The following PGM5 variants were observed in gnomAD, a reference collection of about 807,000 sequenced individuals.
PGM5 encodes phosphoglucomutase 5.
A neutral mutation model predicts 59.2 loss-of-function variants in PGM5; 23 were observed. That is an observed-to-expected ratio of 0.39 (90% confidence interval 0.28 to 0.55). The LOEUF (loss-of-function observed/expected upper bound fraction) is 0.55. Among genes scored for constraint, PGM5 ranks in the 20% least tolerant of loss-of-function variants. The pLI is 0.66. For synonymous variants in PGM5, 214 were observed against 286.0 expected (o/e 0.75, Z 2.54); for missense variants, 574 against 748.3 (o/e 0.77, Z 2.72).
chr9:68,379,421 G>A (rs549580059), intron 2 of PGM5, among the ~76,000 whole-genome samples: 131 of 152,154 alleles, frequency 8.6e-4, no homozygotes, highest in African/African-American at 2.9e-3. Flanking sequence ...CGTTTTACAC[G>A]TTATCCAAAC....
chr9:68,525,405 C>T (rs143840889), intron 10 of PGM5, among the ~76,000 whole-genome samples: 276 of 152,236 alleles, frequency 1.8e-3, no homozygotes, highest in African/African-American at 6.0e-3. Context: ...TCATGCACGG[C>T]GTAGTGATAT....
intron 6 of PGM5, among the ~76,000 whole-genome samples, chr9:68,408,893 C>T (rs1162765823): frequency 1.4e-4 from 22 of 151,976 alleles, no homozygotes; most frequent in East Asian, 3.9e-4. Flanking sequence ...TGTAGACATG[C>T]GGCATTATTT....
chr9:68,396,368 C>T (rs1380342829), intron 6 of PGM5: 1 of 152,180 alleles, frequency 6.6e-6, no homozygotes, highest in East Asian at 1.9e-4. Context: ...CCCTGATAAA[C>T]CAGTTGAGAA....
chr9:68,370,497 T>C (rs1187461142), intron 1 of PGM5, among the ~76,000 whole-genome samples: 1 of 152,172 alleles, frequency 6.6e-6, no homozygotes, highest in Non-Finnish European at 1.5e-5. Context: ...TAATTAGAAA[T>C]GGAACTCATA....
At chr9:68,522,548 T>A (rs1183197174) in intron 10 of PGM5, among the ~76,000 whole-genome samples, 1 of 152,180 alleles carries the variant, frequency 6.6e-6, no homozygotes, top group African/African-American at 2.4e-5. Flanking sequence ...GATGTTACAT[T>A]TCATATTTTG....
chr9:68,392,934 C>T (rs577258080), intron 6 of PGM5, among the ~76,000 whole-genome samples: 1 of 152,224 alleles, frequency 6.6e-6, no homozygotes, highest in South Asian at 2.1e-4. Context: ...CAAATGCTAA[C>T]TTATAGCCTT....
At chr9:68,361,364 T>C (rs1333859640) in intron 1 of PGM5, among the ~76,000 whole-genome samples, 8 of 152,256 alleles carry the variant, frequency 5.3e-5, no homozygotes, top group Admixed American at 5.2e-4. Flanking sequence ...TATTTCCCCT[T>C]CTGGAATTTT....
In PGM5 at chr9:68,499,209, G is replaced by A; in HGVS notation, c.1480-18G>A. ...ATTCATTTGCTCACTGCTCCATTCT[G>A]GATGTTCTTGGTCTCAGGGCCTAAG... is the stretch of plus-strand genomic sequence containing the variant. On this transcript the variant is annotated intron_variant, in intron 9 of 10. Coordinates refer to ENST00000396396, the MANE Select transcript of PGM5 (RefSeq NM_021965.4). 6.2e-7 allele frequency: 1 copy of A among 1,613,714 alleles called. No individual in the cohort carries two copies. Among genetic ancestry groups the A allele is most frequent in the Non-Finnish European group, 8.5e-7 (1 of 1,179,790 alleles).
chr9:68,407,739 G>T (rs62553003), intron 6 of PGM5, among the ~76,000 whole-genome samples: 33,335 of 152,128 alleles, frequency 0.22, 4,106 homozygotes, highest in South Asian at 0.36. Flanking sequence ...TGTGATTTGT[G>T]TGCATATTGT....
chr9:68,447,800 G>A (rs782738406), intron 6 of PGM5, among the ~76,000 whole-genome samples: 8 of 152,126 alleles, frequency 5.3e-5, no homozygotes, highest in Non-Finnish European at 1.2e-4. Context: ...CAGAGAATGG[G>A]TTCTGGAATT....
chr9:68,456,298 CT>C (rs1200798463), intron 6 of PGM5, among the ~76,000 whole-genome samples: 16 of 137,928 alleles, frequency 1.2e-4, no homozygotes, highest in African/African-American at 3.8e-4. Context: ...CTTTTTTTTT[CT>C]TTTTTTTTGG....
intron 7 of PGM5, among the ~76,000 whole-genome samples, chr9:68,469,150 T>C (rs964562224): frequency 6.6e-6 from 1 of 152,204 alleles, no homozygotes; most frequent in African/African-American, 2.4e-5. Context: ...ACTCCTGGCC[T>C]CAAGTGATCC....
At chr9:68,408,499 G>T (rs532128651) in intron 6 of PGM5, among the ~76,000 whole-genome samples, 1 of 152,102 alleles carries the variant, frequency 6.6e-6, no homozygotes, top group East Asian at 1.9e-4. Context: ...AGTAGGTTGC[G>T]AAAATTTTCT....
intron 2 of PGM5, among the ~76,000 whole-genome samples, chr9:68,381,102 A>T (rs1347042885): frequency 8.5e-5 from 13 of 152,078 alleles, no homozygotes; most frequent in African/African-American, 2.9e-4. Context: ...CATCACCTTG[A>T]TACCTAAAGC....
At chr9:68,391,222 AACAG>A (rs1328637894) in intron 4 of PGM5, among the ~76,000 whole-genome samples, 1 of 151,514 alleles carries the variant, frequency 6.6e-6, no homozygotes, top group African/African-American at 2.4e-5. Context: ...CATGAAAAGC[AACAG>A]ACAATGAATC....
In PGM5 at chr9:68,479,795, G is replaced by A. The variant is rs1284485797; in HGVS notation, c.1295+242G>A. The stretch of plus-strand genomic sequence containing the variant: ...TAAAAATACAAAAAATTAGCTGGGC[G>A]TAGTGGCGGGCGCCTGTAGTCCCAG... On this transcript the variant is annotated intron_variant, in intron 8 of 10. Transcript: ENST00000396396. Among the ~76,000 whole-genome samples, 6 of 151,488 alleles carry A rather than the reference G, an allele frequency of 4.0e-5. No homozygotes were observed. The South Asian group carries it at 1.0e-3, about 26-fold the overall frequency.
chr9:68,454,695 G>T (rs1823745959), intron 6 of PGM5, among the ~76,000 whole-genome samples: 2 of 152,198 alleles, frequency 1.3e-5, no homozygotes, highest in African/African-American at 4.8e-5. Flanking sequence ...AGGTTGCACT[G>T]CAAGAAGGGG....
chr9:68,380,719 CAAAT>C (rs1415147073), intron 2 of PGM5, among the ~76,000 whole-genome samples: 7 of 151,648 alleles, frequency 4.6e-5, no homozygotes, highest in African/African-American at 9.7e-5. Context: ...AAAGCAGACT[CAAAT>C]AAATAAAATC....
chr9:68,464,086 A>G (rs1823896848), intron 6 of PGM5, among the ~76,000 whole-genome samples: 5 of 152,236 alleles, frequency 3.3e-5, no homozygotes, highest in Admixed American at 2.6e-4. Context: ...ATGGTATTAC[A>G]TTGTATATCA....
Sources: allele counts gnomAD v4.1 joint callset (sites outside exome capture counted in the v4.1 genomes callset), GRCh38; gene constraint gnomAD v4.1.1; transcripts MANE v1.5; gene names NCBI Gene and HGNC (gene_info 2026-07-23, HGNC 2026-07-21).